Variants in YME1L1 observed in about 807,000 individuals in gnomAD.
YME1L1 encodes the protein YME1 like 1 ATPase.
Under a neutral mutation model 90.4 loss-of-function variants are expected in YME1L1, and 39 were observed. That is an observed-to-expected ratio of 0.43 (90% CI 0.33 to 0.56). The LOEUF (loss-of-function observed/expected upper bound fraction) is 0.56, where lower values mean the gene tolerates loss of function less well. Ranked by LOEUF, YME1L1 falls within the 20% of genes least tolerant of loss-of-function variation. YME1L1 has a pLI of 0.03. For synonymous variants in YME1L1, 284 were observed against 287.3 expected (o/e 0.99, Z 0.12); for missense variants, 617 against 868.4 (o/e 0.71, Z 3.64).
chr10:27,124,821 C>A (rs1219691225), intron 9 of YME1L1, among the ~76,000 whole-genome samples: 1 of 152,140 alleles, frequency 6.6e-6, no homozygotes, highest in African/African-American at 2.4e-5. Flanking sequence ...CTGATATGGG[C>A]TTTTCCAGTG....
intron 8 of YME1L1, among the ~76,000 whole-genome samples, chr10:27,127,165 C>T (rs774699610): frequency 8.5e-5 from 13 of 152,210 alleles, no homozygotes; most frequent in East Asian, 5.8e-4. Context: ...TGTCAAGATT[C>T]GCTTATTATT....
intron 11 of YME1L1, 136 bp from the exon 12 acceptor site, chr10:27,121,584 G>A: frequency 1.6e-6 from 1 of 626,282 alleles, no homozygotes; most frequent in Non-Finnish European, 2.9e-6. Flanking sequence ...AAGCGCACCA[G>A]TATGATCATA....
chr10:27,140,555 T>C (rs907642584), intron 4 of YME1L1, among the ~76,000 whole-genome samples: 1 of 152,166 alleles, frequency 6.6e-6, no homozygotes, highest in African/African-American at 2.4e-5. Flanking sequence ...CTCGGCTCAC[T>C]GCAACCTCCG....
intron 11 of YME1L1, among the ~76,000 whole-genome samples, chr10:27,122,517 C>T (rs2056877395): frequency 6.6e-6 from 1 of 152,106 alleles, no homozygotes; most frequent in Non-Finnish European, 1.5e-5. Flanking sequence ...TGTATTTCTT[C>T]AAATAGACTA....
intron 13 of YME1L1, 72 bp downstream of exon 13, chr10:27,120,363 A>G: frequency 9.2e-7 from 1 of 1,082,030 alleles, no homozygotes. Flanking sequence ...ATGTATCATG[A>G]AAGGACCACA....
rs986503720 is a variant in YME1L1, at chr10:27,123,843, G to A, written c.950-144C>T. On this transcript the variant is annotated intron_variant, in intron 9 of 18. Transcript: ENST00000376016. ...CCAATATTTTGAAACACAGCAAACC[G>A]TACTTGTCTCTGCTAATGGTTCACT... is the stretch of plus-strand genomic sequence containing the variant. The A allele has an allele frequency of 2.5e-5, 20 of 786,358 alleles. No homozygotes were observed. The Admixed American group carries it at 3.8e-4, about 15-fold the overall frequency. The allele number at this position is 786,358 out of a possible 1,614,324, so 48.7% of individuals were successfully genotyped here.
chr10:27,121,523 C>T, intron 11 of YME1L1, 75 bp from the exon 12 acceptor site: 1 of 1,122,060 alleles, frequency 8.9e-7, no homozygotes, highest in East Asian at 2.4e-5. Context: ...CTACACAAAA[C>T]TGGTTTGTTT....
chr10:27,136,167 G>A, intron 5 of YME1L1, 109 bp downstream of exon 5: 1 of 880,032 alleles, frequency 1.1e-6, no homozygotes, highest in Non-Finnish European at 1.8e-6. Flanking sequence ...ATTATTAGTG[G>A]AAAGAAGGAA....
chr10:27,149,065 CTAAG>C lies in YME1L1; in HGVS notation c.34-29_34-26del, dbSNP rs770126464. ...CCTAGAAAAAGATAAAAGTTAAAAA[CTAAG>C]TAGTTTTTTTTTAAATAAACAGAAC... On this transcript the variant is annotated intron_variant, in intron 1 of 18. Coordinates refer to ENST00000376016, the MANE Select transcript of YME1L1 (RefSeq NM_014263.4). The C allele has an allele frequency of 1.0e-5, 16 of 1,571,502 alleles. No homozygotes were observed. In the South Asian group the frequency reaches 1.7e-4, roughly 16 times the overall value.
At chr10:27,148,781 A>C (rs2057174008) in intron 2 of YME1L1, 125 bp downstream of exon 2, 1 of 1,225,954 alleles carries the variant, frequency 8.2e-7, no homozygotes, top group African/African-American at 1.5e-5. Flanking sequence ...TAAGTTTCTC[A>C]GGAGTCAAAA....
At chr10:27,130,713 C>T (rs1315659790) in intron 8 of YME1L1, among the ~76,000 whole-genome samples, 3 of 152,124 alleles carry the variant, frequency 2.0e-5, no homozygotes, top group African/African-American at 4.8e-5. Context: ...ATTAGCTGGG[C>T]GTGGTGGCTC....
intron 8 of YME1L1, among the ~76,000 whole-genome samples, chr10:27,127,526 T>C (rs1206037156): frequency 6.6e-6 from 1 of 152,190 alleles, no homozygotes. Flanking sequence ...AGTATTCTTA[T>C]AATGGGATAC....
At chr10:27,139,425 C>A (rs539590859) in intron 4 of YME1L1, among the ~76,000 whole-genome samples, 73 of 152,238 alleles carry the variant, frequency 4.8e-4, no homozygotes, top group South Asian at 1.2e-3. Context: ...AAGCGATCAT[C>A]CCAAAGTGTT....
chr10:27,123,014 C>T, intron 10 of YME1L1, 41 bp from the exon 11 acceptor site: 1 of 1,592,624 alleles, frequency 6.3e-7, no homozygotes, highest in Non-Finnish European at 8.5e-7. Flanking sequence ...GAAAGAAAGT[C>T]AACACTTTTG....
chr10:27,153,918 A>G (rs770211078), intron 1 of YME1L1, among the ~76,000 whole-genome samples: 1 of 151,566 alleles, frequency 6.6e-6, no homozygotes. Context: ...AATTCCACGC[A>G]ATCAGTTCGA....
chr10:27,141,492 A>C (rs188209194), intron 4 of YME1L1, among the ~76,000 whole-genome samples: 31 of 152,298 alleles, frequency 2.0e-4, no homozygotes, highest in African/African-American at 7.5e-4. Context: ...AATGAGCAGA[A>C]TACTTTAGCG....
chr10:27,147,686 T>C, intron 2 of YME1L1: 3 of 1,551,032 alleles, frequency 1.9e-6, no homozygotes, highest in Non-Finnish European at 1.7e-6. Flanking sequence ...AAGAGAGGTT[T>C]TGATTCCTGG....
At chr10:27,121,555 C>A in intron 11 of YME1L1, 107 bp from the exon 12 acceptor site, 1 of 773,818 alleles carries the variant, frequency 1.3e-6, no homozygotes, top group Non-Finnish European at 2.2e-6. Flanking sequence ...GACTAGGACT[C>A]GCTTTGTGGC....
chr10:27,125,458 G>GGAA lies in YME1L1; in HGVS notation c.949+1237_949+1238insTTC, dbSNP rs534522674. On this transcript the variant is annotated intron_variant, in intron 9 of 18. Transcript: ENST00000376016. ...AAGGAATTGTTTCATTGTTTCATTT[G>GGAA]AAAAAAAAAAAAAAAAAAACAATAA... Among the ~76,000 whole-genome samples the GGAA allele has an allele frequency of 1.2e-3, 131 of 107,694 alleles. 2 individuals are homozygous for GGAA. The highest frequency in any genetic ancestry group is 4.1e-3 in the African/African-American group (115 of 28,060). The allele number at this position is 107,694 out of a possible 152,430, so 70.7% of individuals were successfully genotyped here.
Sources: gnomAD v4.1 joint callset for allele counts (sites outside exome capture counted in the v4.1 genomes callset) on GRCh38, gnomAD v4.1.1 for gene constraint, MANE v1.5 for transcripts, NCBI Gene and HGNC (gene_info 2026-07-23, HGNC 2026-07-21) for gene names.